SNX11: variants seen among roughly 807,000 people sequenced by gnomAD.
SNX11 encodes the protein sorting nexin-11.
Under a neutral mutation model 30.7 loss-of-function variants are expected in SNX11, and 19 were observed. The observed-to-expected ratio is 0.62, with a 90% confidence interval of 0.43 to 0.91. The LOEUF is 0.91. Among genes scored for constraint, SNX11 ranks in the 40% least tolerant of loss-of-function variants. The pLI is 0.00. For synonymous variants in SNX11, 112 were observed against 119.0 expected, an observed-to-expected ratio of 0.94 and a Z score of 0.38; for missense variants, 302 against 326.7, an observed-to-expected ratio of 0.92 and a Z score of 0.58.
intron 4 of SNX11, 80 bp downstream of exon 4, chr17:48,113,481 G>A: frequency 1.1e-6 from 1 of 946,372 alleles, no homozygotes. Flanking sequence ...TGACAATGAA[G>A]AGAACTTGCA....
intron 4 of SNX11, among the ~76,000 whole-genome samples, chr17:48,117,557 G>GTT (rs972771953): frequency 4.9e-5 from 7 of 144,060 alleles, no homozygotes; most frequent in African/African-American, 1.3e-4. Context: ...GCGCCTGGCT[G>GTT]TTTTTTTTTT....
At chr17:48,120,487 T>C (rs1174850276) in intron 6 of SNX11, among the ~76,000 whole-genome samples, 8 of 142,976 alleles carry the variant, frequency 5.6e-5, no homozygotes, top group Middle Eastern at 3.9e-3. Flanking sequence ...GGATTACAGG[T>C]GTGAGCCATC....
chr17:48,121,756 A>G lies in SNX11; in HGVS notation c.*248A>G, dbSNP rs758216455. Reference sequence around the variant, plus strand: ...GGCTGTTGCTTTTGAACAGAACCCTATATTACTCTCCTGGGATCTGAGTTT... The same window carrying G: ...GGCTGTTGCTTTTGAACAGAACCCTGTATTACTCTCCTGGGATCTGAGTTT... On this transcript the variant is annotated 3_prime_UTR_variant, in exon 7 of 7. Transcript: ENST00000359238. 1.0e-5 allele frequency: 5 copies of G among 492,380 alleles called. No homozygotes were observed. The highest frequency in any genetic ancestry group is 2.9e-5 in the South Asian group (1 of 34,630). The allele number at this position is 492,380 out of a possible 1,614,324, so 30.5% of individuals were successfully genotyped here.
intron 4 of SNX11, among the ~76,000 whole-genome samples, chr17:48,117,873 A>G (rs1049598829): frequency 5.9e-5 from 9 of 152,160 alleles, no homozygotes; most frequent in African/African-American, 1.9e-4. Context: ...AATTAGGTGC[A>G]CACAGTGGCA....
intron 6 of SNX11, among the ~76,000 whole-genome samples, chr17:48,121,000 T>C (rs1322076603): frequency 1.3e-5 from 2 of 151,884 alleles, no homozygotes; most frequent in Non-Finnish European, 2.9e-5. Context: ...ATACTTTTTT[T>C]TCTGAGACAG....
At chr17:48,110,567 C>T (rs1221934788) in intron 1 of SNX11, 1 of 152,534 alleles carries the variant, frequency 6.6e-6, no homozygotes, top group Admixed American at 6.6e-5. Context: ...ACACAGTGTT[C>T]TAATGGTAAG....
At chr17:48,111,252 C>G (rs1206683733) in intron 1 of SNX11, 3 of 351,248 alleles carry the variant, frequency 8.5e-6, no homozygotes, top group Non-Finnish European at 1.2e-5. Context: ...GGGGAGTTGA[C>G]TGGTTGTTAG....
chr17:48,119,205 G>C lies in SNX11; in HGVS notation c.539+19G>C, dbSNP rs2063575455. ...CTAAGAGGTAACTGGAGTACTCTTT[G>C]AGATAGCAGGGGCTAGGTTTGCTAT... On this transcript the variant is annotated intron_variant, in intron 6 of 6. Coordinates refer to ENST00000359238, the MANE Select transcript of SNX11 (RefSeq NM_013323.3). 2 of 1,586,306 alleles carry C rather than the reference G, an allele frequency of 1.3e-6. No individual in the cohort carries two copies. The highest frequency in any genetic ancestry group is 1.7e-6 in the Non-Finnish European group (2 of 1,156,160).
At position 48,112,028 on chromosome 17, in the gene SNX11, C is replaced by G. The variant is rs778158355; in HGVS notation, c.-13-3C>G. 6.2e-7 allele frequency: 1 copy of G among 1,610,164 alleles called. No homozygotes were observed. Among genetic ancestry groups the G allele is most frequent in the South Asian group, 1.1e-5 (1 of 91,020 alleles). On this transcript the variant is annotated splice_region_variant and splice_polypyrimidine_tract_variant and intron_variant, in intron 1 of 6. Coordinates refer to ENST00000359238, the MANE Select transcript of SNX11 (RefSeq NM_013323.3). ...TGATCCTGTATCCTCTGTCCCTCATCAGATGTTTCCTTCCAATGGGCTTTT... is the reference window on the plus strand; with the variant it reads ...TGATCCTGTATCCTCTGTCCCTCATGAGATGTTTCCTTCCAATGGGCTTTT...
At chr17:48,116,559 G>A (rs1218625640) in intron 4 of SNX11, among the ~76,000 whole-genome samples, 2 of 151,044 alleles carry the variant, frequency 1.3e-5, no homozygotes, top group East Asian at 1.9e-4. Flanking sequence ...GATGGTGGGT[G>A]TGGATTTCTT....
chr17:48,121,845 A>G lies in SNX11; in HGVS notation c.*337A>G, dbSNP rs372051102. On this transcript the variant is annotated 3_prime_UTR_variant, in exon 7 of 7. Coordinates refer to ENST00000359238, the MANE Select transcript of SNX11 (RefSeq NM_013323.3). ...CAGGTGACCAGTTTTGGGGACCCGT[A>G]TGTGGCAAATTCTAAGCTGCCATAT... is the stretch of plus-strand genomic sequence containing the variant. 9 of 240,276 alleles carry G rather than the reference A, an allele frequency of 3.7e-5. No individual in the cohort carries two copies. In the South Asian group the frequency reaches 4.4e-4, roughly 12 times the overall value. 14.9% of individuals were successfully genotyped at this position (240,276 alleles called of 1,614,324 possible).
chr17:48,110,728 T>C (rs2063483688), intron 1 of SNX11: 1 of 152,672 alleles, frequency 6.5e-6, no homozygotes, highest in African/African-American at 2.4e-5. Context: ...GGATCATTTG[T>C]TGGCAGTACA....
intron 1 of SNX11, 194 bp from the exon 2 acceptor site, chr17:48,111,837 C>T: frequency 1.7e-6 from 1 of 573,182 alleles, no homozygotes. Flanking sequence ...AGGCAAATCC[C>T]CCAGGGCCTT....
intron 6 of SNX11, among the ~76,000 whole-genome samples, chr17:48,120,634 G>A (rs979465729): frequency 7.0e-6 from 1 of 143,740 alleles, no homozygotes; most frequent in Non-Finnish European, 1.5e-5. Context: ...TCAGCCTCCC[G>A]AGTAGCTGGG....
chr17:48,119,144 G>C lies in SNX11; in HGVS notation c.497G>C (p.Arg166Thr), dbSNP rs1461120226. 6.2e-7 allele frequency: 1 copy of C among 1,613,940 alleles called. No homozygotes were observed. ...MSNCGWAQEE[R>T]QSSSHLAKGD... ...AACTGTGGCTGGGCCCAGGAAGAGA[G>C]GCAGAGCTCTTCTCACCTGGCTAAA... The change falls in exon 6 of 7, where the codon AGG (arginine) becomes ACG (threonine). Residue 166 changes from arginine to threonine, a missense_variant. Coordinates refer to ENST00000359238, the MANE Select transcript of SNX11 (RefSeq NM_013323.3).
rs888867977 is a variant in SNX11, at chr17:48,117,596, C to T, written c.231-1108C>T. Among the ~76,000 whole-genome samples the T allele has an allele frequency of 4.6e-5, 7 of 150,790 alleles. No homozygotes were observed. In the East Asian group the frequency reaches 5.9e-4, roughly 13 times the overall value. On this transcript the variant is annotated intron_variant, in intron 4 of 6. Transcript: ENST00000359238. ...AAGGAGAGATGAGGTTTCACCATGT[C>T]GCCCAAGCTGGTCTTGAACTCCTGA...
intron 4 of SNX11, among the ~76,000 whole-genome samples, chr17:48,115,364 A>T (rs2063535449): frequency 6.6e-6 from 1 of 152,186 alleles, no homozygotes; most frequent in African/African-American, 2.4e-5. Context: ...ACCCGGCCAG[A>T]TATATGTTCT....
At chr17:48,120,800 A>G (rs10853097) in intron 6 of SNX11, among the ~76,000 whole-genome samples, 138,308 of 151,068 alleles carry the variant, frequency 0.92, 63,479 homozygotes, top group African/African-American at 0.97. Flanking sequence ...GTGAGCCACC[A>G]CGCCCGGCCT....
intron 4 of SNX11, among the ~76,000 whole-genome samples, chr17:48,118,085 CATAG>C (rs1450489209): frequency 6.6e-6 from 1 of 152,120 alleles, no homozygotes; most frequent in Non-Finnish European, 1.5e-5. Context: ...GTTTTATAGT[CATAG>C]ATCTGGTTCT....
Sources: allele counts gnomAD v4.1 joint callset (sites outside exome capture counted in the v4.1 genomes callset), GRCh38; gene constraint gnomAD v4.1.1; transcripts MANE v1.5; gene names NCBI Gene and HGNC (gene_info 2026-07-23, HGNC 2026-07-21).